Variants in EFCAB8 observed in about 807,000 individuals in gnomAD.
EFCAB8 encodes the protein EF-hand calcium binding domain 8, also known as EF-hand calcium-binding domain-containing protein 8.
EFCAB8 carries 100 observed loss-of-function variants against 116.3 expected under a neutral mutation model. The observed-to-expected ratio is 0.86, with a 90% CI of 0.73 to 1.02. The LOEUF (loss-of-function observed/expected upper bound fraction) is 1.02, where lower values mean the gene tolerates loss of function less well. Ranked by LOEUF, EFCAB8 falls within the 50% of genes least tolerant of loss-of-function variation. EFCAB8 has a pLI of 0.00. For synonymous variants in EFCAB8, 558 were observed against 567.9 expected, an observed-to-expected ratio of 0.98 and a Z score of 0.25; for missense variants, 1,320 against 1,416.9, an observed-to-expected ratio of 0.93 and a Z score of 1.10.
rs1011271519 is a variant in EFCAB8 at position 32,930,563 on chromosome 20, A to G, written c.2578A>G (p.Thr860Ala). The part of the protein sequence containing the change: ...NGDVVVGAMA[T>A]DKNDWILITG... The stretch of plus-strand genomic sequence containing the variant: ...GGATGTTGTCGTGGGTGCCATGGCC[A>G]CTGATAAAAATGACTGGATCCTCAT... Residue 860 changes from threonine (T) to alanine (A), a missense_variant, in exon 21 of 27, where the codon ACT becomes GCT. Thr to Ala is a moderately conservative substitution (Grantham distance 58). Transcript: ENST00000400522. 3 of 1,552,230 alleles carry G rather than the reference A, an allele frequency of 1.9e-6. No individual in the cohort carries two copies. The Admixed American group carries it at 5.9e-5, about 30-fold the overall frequency.
In EFCAB8 at chr20:32,959,815, C is replaced by T. The variant is rs755220209; in HGVS notation, c.3127C>T (p.Arg1043Trp). The stretch of plus-strand genomic sequence containing the variant: ...TCTGGCTGAGGCCCTGATATACCAG[C>T]GGCGAGAGCAGGCGGCGCTGATGGC... The part of the protein sequence containing the change: ...RDLAEALIYQ[R>W]REQAALMALL... The change falls in exon 25 of 27, where the codon CGG (arginine) becomes TGG (tryptophan). Residue 1043 changes from arginine to tryptophan, a missense_variant. Transcript: ENST00000400522. The T allele has an allele frequency of 4.1e-5, 63 of 1,526,046 alleles. No homozygotes were observed. Among genetic ancestry groups the T allele is most frequent in the Middle Eastern group, 1.7e-4 (1 of 5,796 alleles). 94.5% of individuals were successfully genotyped at this position (1,526,046 alleles called of 1,614,324 possible).
intron 15 of EFCAB8, among the ~76,000 whole-genome samples, chr20:32,910,137 C>T (rs1353252539): frequency 6.6e-6 from 1 of 152,182 alleles, no homozygotes; most frequent in East Asian, 1.9e-4. Flanking sequence ...CTCAGAGCTC[C>T]ATCCGTTAGC....
At chr20:32,921,997 T>A (rs1325559256) in intron 20 of EFCAB8, among the ~76,000 whole-genome samples, 1 of 152,098 alleles carries the variant, frequency 6.6e-6, no homozygotes, top group African/African-American at 2.4e-5. Context: ...GCCCAGCTGC[T>A]TTTTTATTTC....
At chr20:32,922,415 C>T (rs1382952076) in intron 20 of EFCAB8, among the ~76,000 whole-genome samples, 1 of 152,178 alleles carries the variant, frequency 6.6e-6, no homozygotes, top group African/African-American at 2.4e-5. Context: ...CTAGTGCTGT[C>T]AGGACACAGG....
chr20:32,891,693 C>T (rs1985920609), intron 7 of EFCAB8, among the ~76,000 whole-genome samples: 1 of 152,222 alleles, frequency 6.6e-6, no homozygotes, highest in Non-Finnish European at 1.5e-5. Flanking sequence ...GACCTACAGC[C>T]CTCTGGGGTG....
intron 5 of EFCAB8, among the ~76,000 whole-genome samples, chr20:32,881,486 C>T (rs977662303): frequency 6.6e-6 from 1 of 152,190 alleles, no homozygotes; most frequent in Admixed American, 6.5e-5. Context: ...CGTGAGCCAC[C>T]GCATCCAGCC....
intron 20 of EFCAB8, among the ~76,000 whole-genome samples, chr20:32,927,562 C>T (rs967589058): frequency 1.3e-5 from 2 of 152,162 alleles, no homozygotes; most frequent in African/African-American, 4.8e-5. Context: ...TCAGGCTGGT[C>T]TTGAACTCCT....
At chr20:32,933,701 G>A (rs1001093211) in intron 22 of EFCAB8, among the ~76,000 whole-genome samples, 2 of 151,948 alleles carry the variant, frequency 1.3e-5, no homozygotes, top group Non-Finnish European at 2.9e-5. Flanking sequence ...CTTTTTGGCC[G>A]GGCTCAGTGG....
chr20:32,871,108 T>G (rs531864349), intron 3 of EFCAB8, among the ~76,000 whole-genome samples: 1 of 152,202 alleles, frequency 6.6e-6, no homozygotes, highest in East Asian at 1.9e-4. Context: ...CTGTCTCGCC[T>G]CCCAAAGTTC....
In EFCAB8 at chr20:32,911,483, G is replaced by C; in HGVS notation, c.1561G>C (p.Val521Leu). 1 of 1,487,762 alleles carries C rather than the reference G, an allele frequency of 6.7e-7. No individual in the cohort carries two copies. Among genetic ancestry groups the C allele is most frequent in the East Asian group, 2.5e-5 (1 of 40,146 alleles). The allele number at this position is 1,487,762 out of a possible 1,614,324, so 92.2% of individuals were successfully genotyped here. Residue 521 changes from valine (V) to leucine (L), a missense_variant, in exon 16 of 27, where the codon GTG (valine) becomes CTG (leucine). Transcript: ENST00000400522. The part of the protein sequence containing the change: ...VLYSKIFKQV[V>L]SGCLRGTVSV... ...CCCAGCTGTGTGCTCCCTACAGGTG[G>C]TGAGTGGCTGCCTGCGCGGCACAGT...
At chr20:32,884,396 T>C (rs1008181616) in intron 5 of EFCAB8, among the ~76,000 whole-genome samples, 1 of 152,184 alleles carries the variant, frequency 6.6e-6, no homozygotes, top group Non-Finnish European at 1.5e-5. Context: ...AGCTGTCACC[T>C]ATCATCCCAT....
At chr20:32,866,828 CCCTCCT>C (rs1189219244) in intron 2 of EFCAB8, among the ~76,000 whole-genome samples, 3 of 138,326 alleles carry the variant, frequency 2.2e-5, no homozygotes, top group African/African-American at 7.9e-5. Context: ...TTCCTTCCTT[CCCTCCT>C]TCCTTCCTTC....
At chr20:32,933,550 C>G (rs1987986333) in intron 22 of EFCAB8, among the ~76,000 whole-genome samples, 1 of 152,176 alleles carries the variant, frequency 6.6e-6, no homozygotes, top group African/African-American at 2.4e-5. Context: ...TGCAGAAGAT[C>G]TCAAAACTTT....
rs1417304876 is a variant in EFCAB8 at position 32,918,523 on chromosome 20, A to G, written c.2223A>G (p.Pro741=). 5.2e-6 allele frequency: 8 copies of G among 1,551,668 alleles called. No individual in the cohort carries two copies. In the East Asian group the frequency reaches 2.0e-4, roughly 38 times the overall value. The change falls in exon 19 of 27, where the codon CCA becomes CCG. Residue 741 remains proline (P), a synonymous_variant. Coordinates refer to ENST00000400522, the MANE Select transcript of EFCAB8 (RefSeq NM_001143967.2). ...NLRRSLVSAP[P]VMRCPRDKEP... Reference sequence around the variant, plus strand: ...GGCGGAGCCTGGTGTCGGCTCCCCCAGTGATGCGGTGCCCGAGAGACAAGG... The same window carrying G: ...GGCGGAGCCTGGTGTCGGCTCCCCCGGTGATGCGGTGCCCGAGAGACAAGG...
intron 8 of EFCAB8, 113 bp from the exon 9 acceptor site, chr20:32,893,061 G>A (rs901539455): frequency 8.3e-6 from 11 of 1,327,044 alleles, no homozygotes; most frequent in African/African-American, 1.5e-5. Context: ...GGCTGGTCTC[G>A]AACTCCTGAC....
chr20:32,906,051 T>C (rs948820923), intron 11 of EFCAB8, among the ~76,000 whole-genome samples: 2 of 152,080 alleles, frequency 1.3e-5, no homozygotes, highest in African/African-American at 4.8e-5. Flanking sequence ...GGGCATTGTA[T>C]GAGATGTCCA....
At position 32,863,766 on chromosome 20, in the gene EFCAB8, A is replaced by G. The variant is rs962632882; in HGVS notation, c.-10-17A>G. On this transcript the variant is annotated splice_polypyrimidine_tract_variant and intron_variant, in intron 1 of 26. Coordinates refer to ENST00000400522, the MANE Select transcript of EFCAB8 (RefSeq NM_001143967.2). ...TACAACGACTGGAGTTAAGTTGACT[A>G]TGATTCCCTATTCTAGGTCAAGGCT... 2.6e-6 allele frequency: 4 copies of G among 1,549,768 alleles called. No homozygotes were observed. The highest frequency in any genetic ancestry group is 3.5e-6 in the Non-Finnish European group (4 of 1,146,412).
chr20:32,915,074 A>C (rs938846049), intron 17 of EFCAB8, among the ~76,000 whole-genome samples: 7 of 151,984 alleles, frequency 4.6e-5, no homozygotes, highest in African/African-American at 1.5e-4. Flanking sequence ...ATTAAAAAAA[A>C]AATTTTTTTA....
chr20:32,867,842 ATT>A, intron 3 of EFCAB8, 95 bp downstream of exon 3: 9 of 1,220,340 alleles, frequency 7.4e-6, no homozygotes, highest in Admixed American at 3.1e-5. Context: ...CATAATAAGC[ATT>A]TTTTTTTTGT....
Sources: gnomAD v4.1 joint callset for allele counts (sites outside exome capture counted in the v4.1 genomes callset) on GRCh38, gnomAD v4.1.1 for gene constraint, MANE v1.5 for transcripts, NCBI Gene and HGNC (gene_info 2026-07-23, HGNC 2026-07-21) for gene names.